Variants in TOPAZ1 observed in about 807,000 individuals in gnomAD.
TOPAZ1 encodes the protein protein TOPAZ1.
Under a neutral mutation model 172.2 loss-of-function variants are expected in TOPAZ1, and 66 were observed. The observed-to-expected ratio is 0.38, with a 90% CI of 0.31 to 0.47. The LOEUF is 0.47. Ranked by LOEUF, TOPAZ1 falls within the 20% of genes least tolerant of loss-of-function variation. TOPAZ1 has a pLI of 0.99. For missense variants in TOPAZ1, 1,822 were observed against 1,972.4 expected, an observed-to-expected ratio of 0.92 and a Z score of 1.44; for synonymous variants, 681 against 683.9, an observed-to-expected ratio of 1.00 and a Z score of 0.07.
At chr3:44,252,432 G>A (rs1191190561) in intron 2 of TOPAZ1, among the ~76,000 whole-genome samples, 1 of 152,252 alleles carries the variant, frequency 6.6e-6, no homozygotes, top group Non-Finnish European at 1.5e-5. Flanking sequence ...CGTTGAGAGT[G>A]TTTCACTGGC....
intron 2 of TOPAZ1, among the ~76,000 whole-genome samples, chr3:44,250,041 A>G (rs905536720): frequency 2.6e-5 from 4 of 152,178 alleles, no homozygotes; most frequent in African/African-American, 9.7e-5. Context: ...TCTGATATCA[A>G]TCCACAGAAA....
intron 2 of TOPAZ1, among the ~76,000 whole-genome samples, chr3:44,245,472 T>C (rs1181985666): frequency 6.6e-6 from 1 of 151,938 alleles, no homozygotes; most frequent in Non-Finnish European, 1.5e-5. Context: ...TAATGAATTA[T>C]ATGTATCTTG....
Position 44,243,980 on chromosome 3 carries a change from A to G in TOPAZ1, c.1474A>G (p.Arg492Gly). The change falls in exon 2 of 20, where the codon AGA becomes GGA. Residue 492 changes from arginine to glycine, a missense_variant. Arg to Gly is a moderately radical substitution (Grantham distance 125). This residue lies in a region of TOPAZ1 where 1,489 missense variants were observed against 1,490.8 expected (regional missense o/e 1.00). Transcript: ENST00000309765. ...CQRTIPMTGK[R>G]TWPYYSCARI... ...GAGAACAATACCTATGACTGGTAAA[A>G]GAACTTGGCCCTATTATTCATGTGC... 6.4e-7 allele frequency: 1 copy of G among 1,552,340 alleles called. No individual in the cohort carries two copies.
intron 9 of TOPAZ1, among the ~76,000 whole-genome samples, chr3:44,286,225 ATAACT>A (rs1413578592): frequency 6.6e-6 from 1 of 152,154 alleles, no homozygotes; most frequent in Non-Finnish European, 1.5e-5. Flanking sequence ...AAAAAAATAA[ATAACT>A]TAATGACAAA....
intron 9 of TOPAZ1, among the ~76,000 whole-genome samples, chr3:44,283,587 T>C (rs1700045288): frequency 6.6e-6 from 1 of 152,226 alleles, no homozygotes; most frequent in African/African-American, 2.4e-5. Context: ...TAAAATTCTT[T>C]TGAGAAGTTT....
At chr3:44,255,434 C>T (rs1236353385) in intron 3 of TOPAZ1, among the ~76,000 whole-genome samples, 12 of 152,042 alleles carry the variant, frequency 7.9e-5, no homozygotes, top group African/African-American at 2.2e-4. Flanking sequence ...AGGTGGATCA[C>T]GAGGTCAGGA....
At chr3:44,272,733 G>A (rs1699911694) in intron 8 of TOPAZ1, among the ~76,000 whole-genome samples, 1 of 152,014 alleles carries the variant, frequency 6.6e-6, no homozygotes, top group South Asian at 2.1e-4. Flanking sequence ...GCTAATTTTT[G>A]TATTTTTAGT....
At chr3:44,300,204 GGGCAGATCACTTGA>G (rs1208374147) in intron 12 of TOPAZ1, among the ~76,000 whole-genome samples, 1 of 151,970 alleles carries the variant, frequency 6.6e-6, no homozygotes, top group African/African-American at 2.4e-5. Flanking sequence ...AGGCCGAGGT[GGGCAGATCACTTGA>G]GGTCAGGAGT....
chr3:44,327,578 A>G lies in TOPAZ1; in HGVS notation c.4676-672A>G, dbSNP rs1426667808. On this transcript the variant is annotated intron_variant, in intron 18 of 19. Transcript: ENST00000309765. ...GCACAATGCCAGACATTTAGTAGCA[A>G]CAGTAAATATTGCATAAACTATAAT... Among the ~76,000 whole-genome samples the G allele has an allele frequency of 3.3e-5, 5 of 152,214 alleles. No individual in the cohort carries two copies. The East Asian group carries it at 7.7e-4, about 23-fold the overall frequency.
intron 8 of TOPAZ1, among the ~76,000 whole-genome samples, chr3:44,278,075 AT>A (rs1699983541): frequency 6.6e-6 from 1 of 152,090 alleles, no homozygotes; most frequent in African/African-American, 2.4e-5. Flanking sequence ...GTTTATTGAG[AT>A]TTTTATCATG....
intron 9 of TOPAZ1, among the ~76,000 whole-genome samples, chr3:44,284,349 A>T (rs1408625744): frequency 6.6e-6 from 1 of 152,216 alleles, no homozygotes; most frequent in Non-Finnish European, 1.5e-5. Flanking sequence ...TAGGTATTTC[A>T]TATAAGTAAA....
chr3:44,321,265 C>A, intron 17 of TOPAZ1, 74 bp downstream of exon 17: 3 of 1,064,930 alleles, frequency 2.8e-6, no homozygotes, highest in Non-Finnish European at 3.9e-6. Flanking sequence ...AAATAGTTAT[C>A]CACCTGTTTT....
chr3:44,306,023 C>A (rs897654762), intron 14 of TOPAZ1, among the ~76,000 whole-genome samples: 1 of 152,162 alleles, frequency 6.6e-6, no homozygotes, highest in Admixed American at 6.5e-5. Flanking sequence ...TTGTTTTTGA[C>A]CTGAGCTCTT....
Position 44,244,271 on chromosome 3 carries a change from A to G in TOPAZ1, c.1765A>G (p.Ile589Val), listed in dbSNP as rs1214843235. 14 of 1,550,034 alleles carry G rather than the reference A, an allele frequency of 9.0e-6. No individual in the cohort carries two copies. Among genetic ancestry groups the G allele is most frequent in the Non-Finnish European group, 1.2e-5 (14 of 1,146,530 alleles). The change falls in exon 2 of 20, where the codon ATA (isoleucine) becomes GTA (valine). Residue 589 changes from isoleucine to valine, a missense_variant. By Grantham distance (29) the Ile-to-Val change is conservative (BLOSUM62 3). Coordinates refer to ENST00000309765, the MANE Select transcript of TOPAZ1 (RefSeq NM_001145030.2). ...EPTLMVIKEP[I>V]IKDDKKIKSE... ...TACTTTAATGGTTATAAAGGAACCT[A>G]TAATCAAGGATGATAAAAAGATAAA... is the stretch of plus-strand genomic sequence containing the variant.
intron 16 of TOPAZ1, among the ~76,000 whole-genome samples, chr3:44,318,948 G>T (rs1700480900): frequency 6.6e-6 from 1 of 151,790 alleles, no homozygotes; most frequent in Non-Finnish European, 1.5e-5. Context: ...GCTGACAAAA[G>T]TAGGAAGAGG....
chr3:44,287,442 T>C lies in TOPAZ1; in HGVS notation c.3490T>C (p.Leu1164=). The C allele has an allele frequency of 2.0e-6, 3 of 1,526,022 alleles. No homozygotes were observed. Among genetic ancestry groups the C allele is most frequent in the Non-Finnish European group, 1.8e-6 (2 of 1,134,760 alleles). 94.5% of individuals were successfully genotyped at this position (1,526,022 alleles called of 1,614,324 possible). ...RKFPPGVYFD[L]QVLNDLLNSL... is the part of the protein sequence containing the mutation. ...GTTTCCCCCAGGTGTATACTTTGAT[T>C]TACAAGTGCTAAATGACCTTCTAAA... is the stretch of plus-strand genomic sequence containing the variant. The change falls in exon 10 of 20, where the codon TTA becomes CTA. Residue 1164 remains leucine, a synonymous_variant. Coordinates refer to ENST00000309765, the MANE Select transcript of TOPAZ1 (RefSeq NM_001145030.2).
Position 44,244,982 on chromosome 3 carries a change from C to A in TOPAZ1, c.2476C>A (p.Gln826Lys). The change falls in exon 2 of 20, where the codon CAA becomes AAA. Residue 826 changes from glutamine to lysine, a missense_variant. Physicochemically the swap from Gln to Lys is moderately conservative, Grantham distance 53. Around this residue, in one of 2 missense-constraint regions of TOPAZ1, gnomAD observed 1,489 missense variants for 1,490.8 expected, o/e 1.00. Transcript: ENST00000309765. ...EKSPSFCCNE[Q>K]ETFRPVSSEV... ...AAGTCCTTCCTTCTGCTGTAATGAACAAGAAACATTCCGACCAGTGTCCAG... is the reference window on the plus strand; with the variant it reads ...AAGTCCTTCCTTCTGCTGTAATGAAAAAGAAACATTCCGACCAGTGTCCAG... 1 of 1,551,664 alleles carries A rather than the reference C, an allele frequency of 6.4e-7. No homozygotes were observed. The highest frequency in any genetic ancestry group is 8.7e-7 in the Non-Finnish European group (1 of 1,146,988).
intron 2 of TOPAZ1, among the ~76,000 whole-genome samples, chr3:44,251,693 A>G (rs1169523465): frequency 6.6e-6 from 1 of 152,190 alleles, no homozygotes; most frequent in East Asian, 1.9e-4. Flanking sequence ...CCACATGAAA[A>G]GTGCTCTGGT....
chr3:44,244,426 T>C lies in TOPAZ1; in HGVS notation c.1920T>C (p.Asn640=). 6.4e-7 allele frequency: 1 copy of C among 1,551,220 alleles called. No homozygotes were observed. Among genetic ancestry groups the C allele is most frequent in the East Asian group, 2.4e-5 (1 of 40,902 alleles). The change falls in exon 2 of 20, where the codon AAT becomes AAC. Residue 640 remains asparagine (N), a synonymous_variant. Coordinates refer to ENST00000309765, the MANE Select transcript of TOPAZ1 (RefSeq NM_001145030.2). Reference sequence around the variant, plus strand: ...CTAGAGGAAATTTAACGAAACTTAATTTGACAGCGACTTCCAAAGATGGTC... The same window carrying C: ...CTAGAGGAAATTTAACGAAACTTAACTTGACAGCGACTTCCAAAGATGGTC... The part of the protein sequence containing the change: ...KKARGNLTKL[N]LTATSKDGQE...
Sources: gnomAD v4.1 joint callset for allele counts (sites outside exome capture counted in the v4.1 genomes callset) on GRCh38, gnomAD v4.1.1 for gene constraint, gnomAD v4.1.1 regional missense constraint, MANE v1.5 for transcripts, NCBI Gene and HGNC (gene_info 2026-07-23, HGNC 2026-07-21) for gene names.